Variants in VPS13A observed in about 807,000 individuals in gnomAD.
VPS13A encodes the protein vacuolar protein sorting 13 homolog A.
A neutral mutation model predicts 390.9 loss-of-function variants in VPS13A; 264 were observed. That is an observed-to-expected ratio of 0.68 (90% CI 0.61 to 0.75). The LOEUF (loss-of-function observed/expected upper bound fraction) is 0.75, where lower values mean the gene tolerates loss of function less well. Among genes scored for constraint, VPS13A ranks in the 30% least tolerant of loss-of-function variants. The pLI is 0.00. For missense variants in VPS13A, 3,409 were observed against 3,733.9 expected (o/e 0.91, Z 2.27); for synonymous variants, 1,231 against 1,227.1 (o/e 1.00, Z -0.07).
At chr9:77,196,874 G>T (rs1363071204) in intron 1 of VPS13A, among the ~76,000 whole-genome samples, 1 of 152,036 alleles carries the variant, frequency 6.6e-6, no homozygotes, top group Admixed American at 6.6e-5. Flanking sequence ...GGGAATGATG[G>T]ATCATATGGT....
chr9:77,396,743 T>C (rs1250833167), intron 68 of VPS13A, among the ~76,000 whole-genome samples: 1 of 152,208 alleles, frequency 6.6e-6, no homozygotes, highest in East Asian at 1.9e-4. Flanking sequence ...AAGATTGTTT[T>C]GAACAGTTTG....
At chr9:77,242,399 G>GA (rs1450756534) in intron 19 of VPS13A, among the ~76,000 whole-genome samples, 2 of 151,940 alleles carry the variant, frequency 1.3e-5, no homozygotes, top group Non-Finnish European at 2.9e-5. Context: ...TTTTTTCACA[G>GA]AAAAGTGTGT....
At chr9:77,219,811 C>G in intron 10 of VPS13A, 143 bp from the exon 11 acceptor site, 1 of 792,764 alleles carries the variant, frequency 1.3e-6, no homozygotes, top group East Asian at 2.6e-5. Context: ...GTTCATCTGA[C>G]TGAACCATGG....
At chr9:77,376,524 G>A (rs1455812931) in intron 67 of VPS13A, among the ~76,000 whole-genome samples, 3 of 152,194 alleles carry the variant, frequency 2.0e-5, no homozygotes, top group African/African-American at 7.2e-5. Context: ...AATAGCATTA[G>A]TTGATAAATT....
In VPS13A at chr9:77,236,505, C is replaced by T. The variant is rs909092626; in HGVS notation, c.1596-1497C>T. The stretch of plus-strand genomic sequence containing the variant: ...GTTGATTGTTGAAGGATGTAGTTTT[C>T]CATTTGTTTACCTACTGTAGTGGGT... On this transcript the variant is annotated intron_variant, in intron 17 of 71. Transcript: ENST00000360280. Among the ~76,000 whole-genome samples the T allele has an allele frequency of 7.9e-5, 12 of 152,240 alleles. No homozygotes were observed. In the East Asian group the frequency reaches 1.5e-3, roughly 20 times the overall value.
At chr9:77,325,342 C>G (rs568090738) in intron 45 of VPS13A, among the ~76,000 whole-genome samples, 1 of 151,988 alleles carries the variant, frequency 6.6e-6, no homozygotes, top group East Asian at 1.9e-4. Flanking sequence ...GGGCTGGGGA[C>G]CCATGCATTA....
intron 65 of VPS13A, 59 bp downstream of exon 65, chr9:77,370,637 T>A: frequency 6.2e-7 from 1 of 1,606,442 alleles, no homozygotes; most frequent in Non-Finnish European, 8.5e-7. Context: ...CAAACCTACA[T>A]TTGCGAATAA....
Position 77,221,291 on chromosome 9 carries a change from A to C in VPS13A, c.1096A>C (p.Lys366Gln). 1 of 1,613,528 alleles carries C rather than the reference A, an allele frequency of 6.2e-7. No individual in the cohort carries two copies. The highest frequency in any genetic ancestry group is 1.3e-5 in the African/African-American group (1 of 75,020). Residue 366 changes from lysine to glutamine, a missense_variant, in exon 13 of 72, where the codon AAA becomes CAA. Around this residue, in one of 5 missense-constraint regions of VPS13A, gnomAD observed 2,717 missense variants for 2,917.4 expected, o/e 0.93. Transcript: ENST00000360280. ...RKHRQKVKQY[K>Q]ELYKKKLTSK... The stretch of plus-strand genomic sequence containing the variant: ...ACATAGGCAAAAAGTGAAGCAATAT[A>C]AAGAACTGTATAAAAAAAAGTTAAC...
intron 17 of VPS13A, among the ~76,000 whole-genome samples, chr9:77,229,975 A>G (rs1823733028): frequency 6.6e-6 from 1 of 152,180 alleles, no homozygotes; most frequent in African/African-American, 2.4e-5. Context: ...TGAGTATGAA[A>G]TGGTATCTCA....
At chr9:77,230,338 T>C (rs1823756971) in intron 17 of VPS13A, among the ~76,000 whole-genome samples, 3 of 152,230 alleles carry the variant, frequency 2.0e-5, no homozygotes, top group Middle Eastern at 6.8e-3. Context: ...CTATATATTC[T>C]TATAAGAATT....
chr9:77,324,418 TC>T (rs1024018549), intron 45 of VPS13A, among the ~76,000 whole-genome samples: 1 of 152,218 alleles, frequency 6.6e-6, no homozygotes, highest in Admixed American at 6.5e-5. Context: ...TTGTAAACGT[TC>T]CCTTCTATTC....
At chr9:77,400,153 G>T (rs751355325) in intron 68 of VPS13A, among the ~76,000 whole-genome samples, 2 of 149,098 alleles carry the variant, frequency 1.3e-5, no homozygotes, top group African/African-American at 5.0e-5. Flanking sequence ...GACTCAGAGG[G>T]TATGTTTAAT....
At chr9:77,291,316 C>G (rs1293420651) in intron 31 of VPS13A, among the ~76,000 whole-genome samples, 1 of 152,172 alleles carries the variant, frequency 6.6e-6, no homozygotes, top group Non-Finnish European at 1.5e-5. Flanking sequence ...CCCCCCAGCC[C>G]CACTTTTGTG....
At position 77,370,127 on chromosome 9, in the gene VPS13A, C is replaced by T. The variant is rs151321812; in HGVS notation, c.8668-130C>T. 90 of 984,914 alleles carry T rather than the reference C, an allele frequency of 9.1e-5. 1 individual carries two copies. The East Asian group carries it at 2.2e-3, about 25-fold the overall frequency. 61.0% of individuals were successfully genotyped at this position (984,914 alleles called of 1,614,324 possible). A position where few individuals can be genotyped will look rare whatever the true frequency, so the allele number is the denominator to read the frequency against. On this transcript the variant is annotated intron_variant, in intron 63 of 71. Transcript: ENST00000360280. ...AATTCTTTTAATGTGAAACTTTTTG[C>T]TGATATTACTTCCTCTGGGACAACA...
intron 31 of VPS13A, among the ~76,000 whole-genome samples, 196 bp downstream of exon 31, chr9:77,283,846 C>G (rs1317796464): frequency 3.3e-5 from 5 of 152,018 alleles, no homozygotes; most frequent in Non-Finnish European, 7.4e-5. Flanking sequence ...GTTACCTAAT[C>G]TTGGACTCTG....
At chr9:77,181,893 C>G (rs984617070) in intron 1 of VPS13A, among the ~76,000 whole-genome samples, 20 of 152,200 alleles carry the variant, frequency 1.3e-4, no homozygotes, top group African/African-American at 4.6e-4. Flanking sequence ...CTAGAAGACT[C>G]TGTCTTACAG....
chr9:77,204,443 A>T (rs1459265871), intron 3 of VPS13A, among the ~76,000 whole-genome samples: 1 of 152,082 alleles, frequency 6.6e-6, no homozygotes, highest in African/African-American at 2.4e-5. Flanking sequence ...TAGTTTGCAT[A>T]ATTTTCAAAT....
At chr9:77,314,950 TAA>T (rs1026668059) in intron 37 of VPS13A, among the ~76,000 whole-genome samples, 19 of 152,300 alleles carry the variant, frequency 1.2e-4, no homozygotes, top group African/African-American at 4.1e-4. Flanking sequence ...AAATCTAATA[TAA>T]GTTATTGTTA....
chr9:77,220,505 G>C, intron 12 of VPS13A, 122 bp downstream of exon 12: 1 of 698,764 alleles, frequency 1.4e-6, no homozygotes, highest in South Asian at 1.8e-5. Context: ...AACCATAATT[G>C]ATTTATAGCT....
Sources: allele counts gnomAD v4.1 joint callset (sites outside exome capture counted in the v4.1 genomes callset), GRCh38; gene constraint gnomAD v4.1.1; regional missense constraint gnomAD v4.1.1; transcripts MANE v1.5; gene names NCBI Gene and HGNC (gene_info 2026-07-23, HGNC 2026-07-21).